WDR7: variants seen among roughly 807,000 people sequenced by gnomAD.
The protein encoded by WDR7 is WD repeat domain 7.
Under a neutral mutation model 169.4 loss-of-function variants are expected in WDR7, and 46 were observed. That is an observed-to-expected ratio of 0.27 (90% confidence interval 0.21 to 0.35). WDR7 has a LOEUF of 0.35. WDR7 is among the 10% of genes least tolerant of loss of function. The pLI is 1.00. For missense variants in WDR7, 1,534 were observed against 1,859.3 expected, an observed-to-expected ratio of 0.83 and a Z score of 3.22; for synonymous variants, 612 against 666.8, an observed-to-expected ratio of 0.92 and a Z score of 1.27.
chr18:56,698,999 C>A (rs949673979), intron 12 of WDR7, among the ~76,000 whole-genome samples: 13 of 151,858 alleles, frequency 8.6e-5, no homozygotes, highest in Non-Finnish European at 1.5e-4. Context: ...GTATAACAAA[C>A]CTGTGCATGT....
At chr18:56,715,165 T>G (rs2026164764) in intron 12 of WDR7, among the ~76,000 whole-genome samples, 1 of 152,186 alleles carries the variant, frequency 6.6e-6, no homozygotes, top group South Asian at 2.1e-4. Context: ...ACCTTTTTTC[T>G]TTGCTTAATG....
rs1214139369 is a variant in WDR7, at chr18:56,962,537, A to C, written c.4164+8A>C. On this transcript the variant is annotated splice_region_variant and intron_variant, in intron 26 of 27. Transcript: ENST00000254442. ...CGGACTGGAAAATGTCAGGTAAATA[A>C]ATCATTGTGACTTCCTCTCCATAAA... The C allele has an allele frequency of 1.2e-6, 2 of 1,611,878 alleles. No individual in the cohort carries two copies. The highest frequency in any genetic ancestry group is 1.7e-6 in the Non-Finnish European group (2 of 1,178,438).
At chr18:56,701,758 G>A (rs538208521) in intron 12 of WDR7, among the ~76,000 whole-genome samples, 5 of 152,222 alleles carry the variant, frequency 3.3e-5, no homozygotes, top group Admixed American at 2.0e-4. Context: ...AGGTAGTGAT[G>A]CACATAGTAT....
intron 1 of WDR7, among the ~76,000 whole-genome samples, chr18:56,652,143 A>G (rs1025652467): frequency 3.9e-5 from 6 of 152,190 alleles, no homozygotes; most frequent in Non-Finnish European, 5.9e-5. Flanking sequence ...GTTTGAAGTC[A>G]GCACTACCCT....
chr18:56,925,135 A>C (rs543589471), intron 22 of WDR7, among the ~76,000 whole-genome samples: 82 of 152,338 alleles, frequency 5.4e-4, no homozygotes, highest in African/African-American at 1.6e-3. Context: ...GCTGAATAAC[A>C]TTCCATTCAT....
chr18:56,805,398 T>C (rs1411239542), intron 19 of WDR7, among the ~76,000 whole-genome samples: 1 of 152,206 alleles, frequency 6.6e-6, no homozygotes, highest in Non-Finnish European at 1.5e-5. Flanking sequence ...TTTGGGATTA[T>C]GATTTTGGGG....
intron 21 of WDR7, among the ~76,000 whole-genome samples, chr18:56,919,087 G>T (rs1330804608): frequency 1.3e-5 from 2 of 152,180 alleles, no homozygotes; most frequent in African/African-American, 2.4e-5. Flanking sequence ...CATAAGCAGG[G>T]AAGATGCAGT....
intron 21 of WDR7, among the ~76,000 whole-genome samples, chr18:56,908,623 A>G (rs1366230155): frequency 1.3e-5 from 2 of 152,186 alleles, no homozygotes; most frequent in Non-Finnish European, 2.9e-5. Context: ...AGTATAATCT[A>G]GAATAAGTTA....
intron 13 of WDR7, among the ~76,000 whole-genome samples, chr18:56,730,225 T>G (rs908172189): frequency 6.6e-6 from 1 of 152,138 alleles, no homozygotes; most frequent in African/African-American, 2.4e-5. Context: ...GAGAGGCAGG[T>G]CAAAAATAAC....
chr18:56,971,357 T>C (rs1184270642), intron 26 of WDR7, among the ~76,000 whole-genome samples: 1 of 152,066 alleles, frequency 6.6e-6, no homozygotes, highest in Middle Eastern at 3.4e-3. Flanking sequence ...AGACAACAGA[T>C]TGTTTCTCCA....
chr18:56,911,380 C>T (rs192865943), intron 21 of WDR7, among the ~76,000 whole-genome samples: 171 of 152,276 alleles, frequency 1.1e-3, no homozygotes, highest in Admixed American at 2.0e-3. Context: ...GACTGAGAAA[C>T]GGGCAGCAGA....
At chr18:56,839,974 A>G (rs1381553066) in intron 20 of WDR7, among the ~76,000 whole-genome samples, 1 of 152,124 alleles carries the variant, frequency 6.6e-6, no homozygotes, top group African/African-American at 2.4e-5. Flanking sequence ...AGGCAGGAGA[A>G]TCTCTTGTAC....
intron 16 of WDR7, among the ~76,000 whole-genome samples, chr18:56,763,433 A>T (rs2044011434): frequency 2.0e-5 from 3 of 152,242 alleles, no homozygotes. Context: ...GTTTTAAAAC[A>T]ACCTTGCAAT....
chr18:56,842,598 TAAA>T (rs2045503066), intron 20 of WDR7, among the ~76,000 whole-genome samples: 1 of 152,052 alleles, frequency 6.6e-6, no homozygotes, highest in Non-Finnish European at 1.5e-5. Context: ...AGACTGTAAG[TAAA>T]GGATTCGTAG....
intron 27 of WDR7, among the ~76,000 whole-genome samples, chr18:57,024,207 G>C (rs1023224625): frequency 2.0e-5 from 3 of 151,994 alleles, no homozygotes; most frequent in African/African-American, 7.2e-5. Context: ...TTGCAATCAG[G>C]AAAAAGTGAA....
chr18:56,871,840 T>C (rs1238624021), intron 20 of WDR7, among the ~76,000 whole-genome samples: 1 of 152,050 alleles, frequency 6.6e-6, no homozygotes, highest in East Asian at 1.9e-4. Flanking sequence ...TTCAATATGG[T>C]TATTATCTTG....
chr18:56,869,054 T>C (rs1417614937), intron 20 of WDR7, among the ~76,000 whole-genome samples: 2 of 152,120 alleles, frequency 1.3e-5, no homozygotes, highest in Non-Finnish European at 2.9e-5. Context: ...GGACAGGATC[T>C]TTGTGAAAAA....
intron 26 of WDR7, among the ~76,000 whole-genome samples, chr18:56,970,953 T>C (rs1204907990): frequency 1.3e-5 from 2 of 152,146 alleles, no homozygotes; most frequent in Non-Finnish European, 2.9e-5. Context: ...GGAAAGACTT[T>C]TGAACTGTGG....
At chr18:56,833,578 C>A (rs186193769) in intron 20 of WDR7, among the ~76,000 whole-genome samples, 2 of 152,056 alleles carry the variant, frequency 1.3e-5, no homozygotes, top group African/African-American at 4.8e-5. Context: ...TGAATGTCTG[C>A]GTTACAAACG....
Sources: gnomAD v4.1 joint callset for allele counts (sites outside exome capture counted in the v4.1 genomes callset) on GRCh38, gnomAD v4.1.1 for gene constraint, MANE v1.5 for transcripts, NCBI Gene and HGNC (gene_info 2026-07-23, HGNC 2026-07-21) for gene names.